COBL: variants seen among roughly 807,000 people sequenced by gnomAD.
COBL encodes protein cordon-bleu.
In COBL, 51 loss-of-function variants were observed where a neutral mutation model predicts 98.8. The observed-to-expected ratio is 0.52, with a 90% CI of 0.41 to 0.65. COBL has a LOEUF of 0.65. COBL is among the 30% of genes least tolerant of loss of function. The pLI is 0.00. For synonymous variants in COBL, 634 were observed against 651.7 expected (o/e 0.97, Z 0.41); for missense variants, 1,617 against 1,617.5 (o/e 1.00, Z 0.01).
intron 5 of COBL, among the ~76,000 whole-genome samples, chr7:51,182,910 C>T (rs533403616): frequency 6.6e-6 from 1 of 152,178 alleles, no homozygotes; most frequent in Non-Finnish European, 1.5e-5. Context: ...TCTGCCAGTT[C>T]GGCCGAGCTC....
chr7:51,183,708 A>C (rs888816143), intron 5 of COBL, among the ~76,000 whole-genome samples: 2 of 152,276 alleles, frequency 1.3e-5, no homozygotes, highest in Non-Finnish European at 2.9e-5. Context: ...GTTCACTGAT[A>C]GCAATATTGG....
At chr7:51,129,683 C>A (rs539261305) in intron 6 of COBL, among the ~76,000 whole-genome samples, 1 of 151,940 alleles carries the variant, frequency 6.6e-6, no homozygotes. Context: ...AGGTGGCCAG[C>A]GAGACTTCAT....
At chr7:51,052,605 A>G (rs1165125235) in intron 7 of COBL, among the ~76,000 whole-genome samples, 1 of 152,210 alleles carries the variant, frequency 6.6e-6, no homozygotes, top group Non-Finnish European at 1.5e-5. Context: ...CTCTGTCTCC[A>G]GGTTGTCTAT....
intron 1 of COBL, among the ~76,000 whole-genome samples, chr7:51,240,735 G>A (rs1372405800): frequency 3.3e-5 from 5 of 151,900 alleles, no homozygotes; most frequent in Admixed American, 3.3e-4. Context: ...GTAATACGGG[G>A]TTTCAGCATG....
chr7:51,121,086 A>G (rs940823362), intron 6 of COBL, among the ~76,000 whole-genome samples: 10 of 152,122 alleles, frequency 6.6e-5, no homozygotes, highest in African/African-American at 2.2e-4. Context: ...TTTTCTGAGG[A>G]CCTGTCATAC....
chr7:51,286,121 C>T lies in COBL; in HGVS notation c.41+30472G>A, dbSNP rs185977351. On this transcript the variant is annotated intron_variant, in intron 1 of 12. Coordinates refer to ENST00000265136, the MANE Select transcript of COBL (RefSeq NM_015198.5). ...AATTAACTCAAAATGGACCACTGATCTAAATGGAAAAGTAAAGGTATAAAA... is the reference window on the plus strand; with the variant it reads ...AATTAACTCAAAATGGACCACTGATTTAAATGGAAAAGTAAAGGTATAAAA... Among the ~76,000 whole-genome samples, 136 of 151,934 alleles carry T rather than the reference C, an allele frequency of 9.0e-4. 1 individual carries two copies. The highest frequency in any genetic ancestry group is 1.3e-3 in the Non-Finnish European group (86 of 67,968).
chr7:51,204,534 C>G (rs34958456), intron 2 of COBL, among the ~76,000 whole-genome samples: 8,222 of 147,414 alleles, frequency 0.056, 324 homozygotes, highest in Non-Finnish European at 0.087. Flanking sequence ...ATTATAAAAT[C>G]AATACAAAAA....
At chr7:51,168,256 C>T (rs544446975) in intron 5 of COBL, among the ~76,000 whole-genome samples, 3 of 152,080 alleles carry the variant, frequency 2.0e-5, no homozygotes, top group African/African-American at 4.8e-5. Context: ...GGCAAAAGGC[C>T]GGGCGCTGTA....
chr7:51,023,810 C>CCTGG (rs1787184213), intron 12 of COBL, among the ~76,000 whole-genome samples: 1 of 152,206 alleles, frequency 6.6e-6, no homozygotes, highest in African/African-American at 2.4e-5. Flanking sequence ...CTGCTCTCTA[C>CCTGG]GGAGCACACA....
chr7:51,290,977 C>T (rs1800837752), intron 1 of COBL, among the ~76,000 whole-genome samples: 1 of 152,210 alleles, frequency 6.6e-6, no homozygotes, highest in South Asian at 2.1e-4. Context: ...AAGGCCACGT[C>T]TTCTTTAGGT....
At chr7:51,131,895 T>C (rs930656556) in intron 6 of COBL, among the ~76,000 whole-genome samples, 1 of 151,824 alleles carries the variant, frequency 6.6e-6, no homozygotes, top group African/African-American at 2.4e-5. Flanking sequence ...CCCGGTGATT[T>C]TTCTTCTTAA....
intron 8 of COBL, among the ~76,000 whole-genome samples, chr7:51,038,348 T>C (rs528806028): frequency 2.0e-5 from 3 of 152,314 alleles, no homozygotes; most frequent in African/African-American, 4.8e-5. Flanking sequence ...GCAGTGAAGA[T>C]GCCACTGGGC....
chr7:51,075,696 T>C (rs1200886757), intron 7 of COBL, among the ~76,000 whole-genome samples: 1 of 152,228 alleles, frequency 6.6e-6, no homozygotes, highest in Admixed American at 6.5e-5. Context: ...TCTTTAATTC[T>C]CTCAAGTTAG....
chr7:51,264,863 A>T (rs180921969), intron 1 of COBL, among the ~76,000 whole-genome samples: 5 of 152,228 alleles, frequency 3.3e-5, no homozygotes, highest in African/African-American at 1.2e-4. Context: ...TCTCATACAC[A>T]TGTGCATATG....
At chr7:51,083,894 G>T (rs891049189) in intron 7 of COBL, among the ~76,000 whole-genome samples, 1 of 152,132 alleles carries the variant, frequency 6.6e-6, no homozygotes, top group Non-Finnish European at 1.5e-5. Context: ...GGATTGGCAC[G>T]ATCCAACCAC....
rs1786367704 is a variant in COBL at position 51,017,307 on chromosome 7, A to T, written c.*244T>A. 1.7e-6 allele frequency: 1 copy of T among 592,808 alleles called. No individual in the cohort carries two copies. The allele number at this position is 592,808 out of a possible 1,614,324, so 36.7% of individuals were successfully genotyped here. On this transcript the variant is annotated 3_prime_UTR_variant, in exon 13 of 13. Transcript: ENST00000265136. ...AACCTGCCAACAAGAATCGTTTATT[A>T]GCAACTTAAGATATTCAGAGGCAAA... is the stretch of plus-strand genomic sequence containing the variant.
chr7:51,093,682 G>C (rs997389512), intron 6 of COBL, among the ~76,000 whole-genome samples: 2 of 152,190 alleles, frequency 1.3e-5, no homozygotes, highest in African/African-American at 4.8e-5. Context: ...CTTGAAGCCA[G>C]GAGTTTGAGA....
In COBL at chr7:51,029,086, C is replaced by T. The variant is rs759123058; in HGVS notation, c.2010G>A (p.Pro670=). 1.4e-5 allele frequency: 23 copies of T among 1,614,174 alleles called. No individual in the cohort carries two copies. The East Asian group carries it at 1.6e-4, about 11-fold the overall frequency. The part of the protein sequence containing the change: ...TQATERVNSQ[P]VNEKDSNDKN... ...TATCGTTGCTGTCCTTTTCATTCAC[C>T]GGTTGGGAATTCACTCTCTCTGTGG... The change falls in exon 10 of 13, where the codon CCG becomes CCA. Residue 670 remains proline, a synonymous_variant. Transcript: ENST00000265136.
In COBL at chr7:51,278,146, G is replaced by A. The variant is rs140619791; in HGVS notation, c.41+38447C>T. 1.4e-3 allele frequency among the ~76,000 whole-genome samples: 215 copies of A among 152,170 alleles called. 1 individual carries two copies. Among genetic ancestry groups the A allele is most frequent in the African/African-American group, 4.9e-3 (203 of 41,514 alleles). On this transcript the variant is annotated intron_variant, in intron 1 of 12. Transcript: ENST00000265136. ...CTGCAAATACTAGAACGCAATACCC[G>A]TATCAAATGATAAATAAATTTAGAA...
Sources: allele counts gnomAD v4.1 joint callset (sites outside exome capture counted in the v4.1 genomes callset), GRCh38; gene constraint gnomAD v4.1.1; transcripts MANE v1.5; gene names NCBI Gene and HGNC (gene_info 2026-07-23, HGNC 2026-07-21).